Variants in MALRD1 observed in about 807,000 individuals in gnomAD.
The protein encoded by MALRD1 is MAM and LDL receptor class A domain containing 1.
A neutral mutation model predicts 242.1 loss-of-function variants in MALRD1; 247 were observed. The ratio of observed to expected loss-of-function variants is 1.02; its 90% confidence interval spans 0.92 to 1.13. MALRD1 has a LOEUF of 1.13. Ranked by LOEUF, MALRD1 falls within the 50% of genes most tolerant of loss-of-function variation. The probability of loss-of-function intolerance (pLI) is 0.00; values close to 1 mark genes in which losing one functional copy is unlikely to be tolerated. For missense variants in MALRD1, 2,989 were observed against 2,533.1 expected, an observed-to-expected ratio of 1.18 and a Z score of -3.86; for synonymous variants, 995 against 866.6, an observed-to-expected ratio of 1.15 and a Z score of -2.60.
At chr10:19,415,896 A>G (rs982216924) in intron 28 of MALRD1, among the ~76,000 whole-genome samples, 4 of 152,218 alleles carry the variant, frequency 2.6e-5, no homozygotes, top group African/African-American at 9.6e-5. Flanking sequence ...GTGAATTCCA[A>G]ATATTAAGAA....
chr10:19,069,368 T>C lies in MALRD1; in HGVS notation c.340+2509T>C, dbSNP rs944513867. 5.3e-5 allele frequency among the ~76,000 whole-genome samples: 8 copies of C among 152,044 alleles called. 1 individual carries two copies. Among genetic ancestry groups the C allele is most frequent in the Admixed American group, 5.2e-4 (8 of 15,240 alleles). ...TTCTATAGCGTTCACATATATTGGT[T>C]CTATAATCTTTATATATTATAAGCC... On this transcript the variant is annotated intron_variant, in intron 2 of 39. Transcript: ENST00000454679.
intron 32 of MALRD1, among the ~76,000 whole-genome samples, chr10:19,536,170 A>G (rs1164466473): frequency 6.6e-6 from 1 of 152,020 alleles, no homozygotes; most frequent in Non-Finnish European, 1.5e-5. Flanking sequence ...GGTTTGGTCA[A>G]TGGAAGGTAC....
At chr10:19,303,304 A>C (rs1842029551) in intron 21 of MALRD1, among the ~76,000 whole-genome samples, 1 of 151,722 alleles carries the variant, frequency 6.6e-6, no homozygotes, top group Non-Finnish European at 1.5e-5. Flanking sequence ...AATTCATTTT[A>C]TAATGATAAA....
At chr10:19,551,323 C>T (rs944750905) in intron 32 of MALRD1, among the ~76,000 whole-genome samples, 1 of 152,060 alleles carries the variant, frequency 6.6e-6, no homozygotes, top group African/African-American at 2.4e-5. Flanking sequence ...CTTTCACCTC[C>T]CCTGTTCACT....
chr10:19,310,027 T>C (rs1171940499), intron 21 of MALRD1, among the ~76,000 whole-genome samples: 1 of 150,992 alleles, frequency 6.6e-6, no homozygotes, highest in African/African-American at 2.4e-5. Context: ...GGGATTGGAG[T>C]TGTGGAAATA....
intron 26 of MALRD1, among the ~76,000 whole-genome samples, chr10:19,354,397 A>G (rs1267539119): frequency 6.6e-6 from 1 of 152,154 alleles, no homozygotes; most frequent in African/African-American, 2.4e-5. Context: ...TAACTTTAAT[A>G]TTGAGTAGGA....
At chr10:19,409,636 G>A (rs1196176849) in intron 28 of MALRD1, among the ~76,000 whole-genome samples, 1 of 152,042 alleles carries the variant, frequency 6.6e-6, no homozygotes, top group East Asian at 1.9e-4. Context: ...TCCTAGTTAT[G>A]ATATTGTACT....
intron 36 of MALRD1, among the ~76,000 whole-genome samples, chr10:19,620,668 A>G (rs1401493247): frequency 1.3e-5 from 2 of 152,032 alleles, no homozygotes; most frequent in African/African-American, 4.8e-5. Context: ...GGGCCAAGAA[A>G]ATAAAGATCA....
At chr10:19,472,475 A>G (rs754650694) in intron 29 of MALRD1, among the ~76,000 whole-genome samples, 2 of 151,982 alleles carry the variant, frequency 1.3e-5, no homozygotes, top group Non-Finnish European at 2.9e-5. Context: ...AAGGATTGTC[A>G]TCAATCTTTT....
At chr10:19,349,518 G>A (rs1844279178) in intron 25 of MALRD1, among the ~76,000 whole-genome samples, 1 of 152,176 alleles carries the variant, frequency 6.6e-6, no homozygotes, top group African/African-American at 2.4e-5. Flanking sequence ...GAGTTTCAGT[G>A]ACAGAACTTG....
chr10:19,547,513 AT>A (rs1835259270), intron 32 of MALRD1, among the ~76,000 whole-genome samples: 1 of 151,722 alleles, frequency 6.6e-6, no homozygotes, highest in Non-Finnish European at 1.5e-5. Context: ...TGAAATTATT[AT>A]TTTTTTAATC....
At position 19,491,651 on chromosome 10, in the gene MALRD1, T is replaced by C. The variant is rs1411543442; in HGVS notation, c.5158+6T>C. On this transcript the variant is annotated splice_donor_region_variant and intron_variant, in intron 30 of 39. Coordinates refer to ENST00000454679, the MANE Select transcript of MALRD1 (RefSeq NM_001142308.3). ...GTCTGATGAAGCTCACTGTGGTAAG[T>C]TTATCTATCTGCTGTATGGCAGCCA... 3 of 1,548,160 alleles carry C rather than the reference T, an allele frequency of 1.9e-6. No individual in the cohort carries two copies. In the African/African-American group the frequency reaches 4.1e-5, roughly 21 times the overall value.
chr10:19,401,089 G>C (rs2130853337), intron 28 of MALRD1, among the ~76,000 whole-genome samples: 1 of 152,110 alleles, frequency 6.6e-6, no homozygotes, highest in African/African-American at 2.4e-5. Flanking sequence ...ATACACAAAG[G>C]AAGAGAAGCC....
intron 18 of MALRD1, among the ~76,000 whole-genome samples, chr10:19,217,364 T>C (rs16918359): frequency 0.13 from 19,492 of 152,046 alleles, 1,341 homozygotes; most frequent in Middle Eastern, 0.19. Context: ...ATCCTGCCAC[T>C]TTTCCCCTGA....
chr10:19,200,645 GTTTTTTTTTTTT>G (rs71387053), intron 14 of MALRD1, among the ~76,000 whole-genome samples: 1 of 69,450 alleles, frequency 1.4e-5, no homozygotes, highest in Non-Finnish European at 2.6e-5. Context: ...CCTGCTTGAG[GTTTTTTTTTTTT>G]TTTTTTTTTT....
chr10:19,547,926 G>T (rs1254795544), intron 32 of MALRD1, among the ~76,000 whole-genome samples: 1 of 122,816 alleles, frequency 8.1e-6, no homozygotes, highest in Admixed American at 8.6e-5. Flanking sequence ...ACTTGTGCTC[G>T]CTTTGTGTTT....
At chr10:19,695,309 T>C (rs909713845) in intron 38 of MALRD1, among the ~76,000 whole-genome samples, 1 of 152,100 alleles carries the variant, frequency 6.6e-6, no homozygotes, top group Non-Finnish European at 1.5e-5. Flanking sequence ...CCATTACTGG[T>C]GGTGCCTGGG....
chr10:19,470,491 A>T (rs560691077), intron 29 of MALRD1, among the ~76,000 whole-genome samples: 12 of 151,936 alleles, frequency 7.9e-5, no homozygotes, highest in Admixed American at 2.0e-4. Context: ...TGATAGTTTT[A>T]TTTTTAATTT....
intron 36 of MALRD1, among the ~76,000 whole-genome samples, chr10:19,665,134 T>C (rs1240271433): frequency 1.3e-5 from 2 of 152,136 alleles, no homozygotes; most frequent in Non-Finnish European, 2.9e-5. Flanking sequence ...TATTAACGCA[T>C]GTATACATGT....
Sources: allele counts gnomAD v4.1 joint callset (sites outside exome capture counted in the v4.1 genomes callset), GRCh38; gene constraint gnomAD v4.1.1; transcripts MANE v1.5; gene names NCBI Gene and HGNC (gene_info 2026-07-23, HGNC 2026-07-21).